Variants in NHLRC2 observed in about 807,000 individuals in gnomAD.
The protein encoded by NHLRC2 is NHL repeat containing 2.
In NHLRC2, 33 loss-of-function variants were observed where a neutral mutation model predicts 68.1. The observed-to-expected ratio is 0.48, with a 90% CI of 0.37 to 0.65. The LOEUF is 0.65. Among genes scored for constraint, NHLRC2 ranks in the 30% least tolerant of loss-of-function variants. The probability of loss-of-function intolerance (pLI) is 0.00; values close to 1 mark genes in which losing one functional copy is unlikely to be tolerated. For synonymous variants in NHLRC2, 311 were observed against 309.6 expected, an observed-to-expected ratio of 1.00 and a Z score of -0.05; for missense variants, 761 against 853.8, an observed-to-expected ratio of 0.89 and a Z score of 1.35.
At chr10:113,901,287 C>T (rs1262077505) in intron 6 of NHLRC2, among the ~76,000 whole-genome samples, 2 of 152,108 alleles carry the variant, frequency 1.3e-5, no homozygotes, top group Non-Finnish European at 2.9e-5. Context: ...TTTTAGTTCC[C>T]TTTCCGAACC....
intron 2 of NHLRC2, among the ~76,000 whole-genome samples, chr10:113,866,786 T>C (rs975552984): frequency 6.6e-6 from 1 of 151,670 alleles, no homozygotes; most frequent in Non-Finnish European, 1.5e-5. Flanking sequence ...TAGTTTTCAT[T>C]AGGAGTACTC....
At chr10:113,855,498 C>T (rs376445050) in intron 1 of NHLRC2, among the ~76,000 whole-genome samples, 3 of 151,654 alleles carry the variant, frequency 2.0e-5, no homozygotes, top group Non-Finnish European at 4.4e-5. Flanking sequence ...TACGGAGTCT[C>T]GCTCTGTCTC....
intron 5 of NHLRC2, among the ~76,000 whole-genome samples, chr10:113,896,131 A>G (rs1241689962): frequency 6.6e-6 from 1 of 152,138 alleles, no homozygotes; most frequent in Non-Finnish European, 1.5e-5. Flanking sequence ...ATCTAGAACT[A>G]GAAATACCAT....
In NHLRC2 at chr10:113,903,580, A is replaced by G. The variant is rs1256298473; in HGVS notation, c.1548A>G (p.Gly516=). ...ACTGTACAACATTAGCAGGAACTGGAGACACAAATAATGTTACCAGTTCCA... is the reference window on the plus strand; with the variant it reads ...ACTGTACAACATTAGCAGGAACTGGGGACACAAATAATGTTACCAGTTCCA... ...TKNCTTLAGT[G]DTNNVTSSSF... The change falls in exon 9 of 11, where the codon GGA becomes GGG. Residue 516 remains glycine (G), a synonymous_variant. Coordinates refer to ENST00000369301, the MANE Select transcript of NHLRC2 (RefSeq NM_198514.4). 4 of 1,612,606 alleles carry G rather than the reference A, an allele frequency of 2.5e-6. No homozygotes were observed. Among genetic ancestry groups the G allele is most frequent in the Non-Finnish European group, 3.4e-6 (4 of 1,178,918 alleles).
intron 8 of NHLRC2, among the ~76,000 whole-genome samples, 184 bp downstream of exon 8, chr10:113,902,777 G>C (rs1164782757): frequency 6.6e-6 from 1 of 152,164 alleles, no homozygotes; most frequent in African/African-American, 2.4e-5. Context: ...GGTTATGATG[G>C]TATTCTGAAC....
At chr10:113,858,760 A>AGAAT in intron 2 of NHLRC2, 80 bp downstream of exon 2, 1 of 948,282 alleles carries the variant, frequency 1.1e-6, no homozygotes, top group Non-Finnish European at 1.6e-6. Flanking sequence ...AGCTCATAGG[A>AGAAT]GAATGAACAT....
chr10:113,884,674 TATACTG>T (rs907780521), intron 5 of NHLRC2, among the ~76,000 whole-genome samples: 2 of 151,320 alleles, frequency 1.3e-5, no homozygotes, highest in African/African-American at 2.4e-5. Context: ...CTGAATTTCT[TATACTG>T]AAAGGATTAT....
chr10:113,898,247 C>T, intron 6 of NHLRC2, 38 bp downstream of exon 6: 1 of 1,313,572 alleles, frequency 7.6e-7, no homozygotes, highest in Non-Finnish European at 1.1e-6. Context: ...GACTGTACTA[C>T]TTGGTGTTCA....
chr10:113,885,077 T>G (rs1162925594), intron 5 of NHLRC2, among the ~76,000 whole-genome samples: 1 of 151,894 alleles, frequency 6.6e-6, no homozygotes, highest in Non-Finnish European at 1.5e-5. Context: ...GTCGAAAATG[T>G]AATTTTGGAC....
intron 5 of NHLRC2, among the ~76,000 whole-genome samples, chr10:113,885,564 G>C (rs1846073893): frequency 6.6e-6 from 1 of 151,808 alleles, no homozygotes; most frequent in East Asian, 1.9e-4. Flanking sequence ...TGCCTTATTT[G>C]CTCTACTTTT....
intron 5 of NHLRC2, among the ~76,000 whole-genome samples, chr10:113,885,272 C>G (rs192531484): frequency 1.1e-3 from 173 of 151,956 alleles, no homozygotes; most frequent in African/African-American, 4.0e-3. Flanking sequence ...GAGTGAACTT[C>G]TAGTACTACC....
At chr10:113,860,687 AC>A (rs1845807173) in intron 2 of NHLRC2, among the ~76,000 whole-genome samples, 3 of 152,232 alleles carry the variant, frequency 2.0e-5, no homozygotes, top group South Asian at 4.1e-4. Flanking sequence ...TTTTAAAAAA[AC>A]AATGTATGAA....
chr10:113,865,288 C>CG lies in NHLRC2; in HGVS notation c.331+6608_331+6609insG, dbSNP rs576852554. Among the ~76,000 whole-genome samples the CG allele has an allele frequency of 2.8e-5, 4 of 141,628 alleles. No homozygotes were observed. The East Asian group carries it at 7.0e-4, about 25-fold the overall frequency. The allele number at this position is 141,628 out of a possible 152,430, so 92.9% of individuals were successfully genotyped here. ...TTTAAAAATCGCTTTTCATCCCCCC[C>CG]CCCCGTTCCTCTCACCATATAATAG... On this transcript the variant is annotated intron_variant, in intron 2 of 10. Coordinates refer to ENST00000369301, the MANE Select transcript of NHLRC2 (RefSeq NM_198514.4).
intron 2 of NHLRC2, among the ~76,000 whole-genome samples, chr10:113,862,982 ATAAAT>A (rs894031775): frequency 1.1e-4 from 17 of 152,240 alleles, no homozygotes. Flanking sequence ...TTATTAAAAA[ATAAAT>A]TAATACATAG....
chr10:113,881,312 G>A (rs1362064192), intron 4 of NHLRC2, among the ~76,000 whole-genome samples: 1 of 151,554 alleles, frequency 6.6e-6, no homozygotes, highest in Non-Finnish European at 1.5e-5. Context: ...AAATATTTAT[G>A]CATTTAAGTA....
At chr10:113,898,986 A>AT (rs1485111412) in intron 6 of NHLRC2, among the ~76,000 whole-genome samples, 2 of 151,856 alleles carry the variant, frequency 1.3e-5, no homozygotes, top group African/African-American at 4.8e-5. Context: ...AGTTTCTCAT[A>AT]TTTTTTTTCC....
At chr10:113,867,419 TTTGA>T (rs1845878457) in intron 2 of NHLRC2, among the ~76,000 whole-genome samples, 1 of 152,270 alleles carries the variant, frequency 6.6e-6, no homozygotes, top group Non-Finnish European at 1.5e-5. Flanking sequence ...GATATCAGTG[TTTGA>T]TTGGCTTTCA....
At position 113,916,664 on chromosome 10, in the gene NHLRC2, T is replaced by C. The variant is rs566745412; in HGVS notation, c.*8128T>C. 2.6e-5 allele frequency: 4 copies of C among 152,308 alleles called. No individual in the cohort carries two copies. Among genetic ancestry groups the C allele is most frequent in the East Asian group, 1.9e-4 (1 of 5,192 alleles). The allele number at this position is 152,308 out of a possible 1,614,324, so 9.4% of individuals were successfully genotyped here. ...GCTGTGTGATTGCAGTTTTAAATTA[T>C]AACATTTCATAAATATGTCAATTTT... On this transcript the variant is annotated 3_prime_UTR_variant, in exon 11 of 11. Coordinates refer to ENST00000369301, the MANE Select transcript of NHLRC2 (RefSeq NM_198514.4).
rs1369470781 is a variant in NHLRC2, at chr10:113,915,123, A to C, written c.*6587A>C. Reference sequence around the variant, plus strand: ...TGAAAACCCTAGACACTTGCTGTGGAATGTTTGCCTGGTTGTATTGGTGTG... The same window carrying C: ...TGAAAACCCTAGACACTTGCTGTGGCATGTTTGCCTGGTTGTATTGGTGTG... On this transcript the variant is annotated 3_prime_UTR_variant, in exon 11 of 11. Coordinates refer to ENST00000369301, the MANE Select transcript of NHLRC2 (RefSeq NM_198514.4). 6.6e-6 allele frequency: 3 copies of C among 456,176 alleles called. No individual in the cohort carries two copies. The highest frequency in any genetic ancestry group is 4.4e-6 in the Non-Finnish European group (1 of 226,972). The allele number at this position is 456,176 out of a possible 1,614,324, so 28.3% of individuals were successfully genotyped here.
Sources: allele counts gnomAD v4.1 joint callset (sites outside exome capture counted in the v4.1 genomes callset), GRCh38; gene constraint gnomAD v4.1.1; transcripts MANE v1.5; gene names NCBI Gene and HGNC (gene_info 2026-07-23, HGNC 2026-07-21).